Variants in LAMA2 observed in about 807,000 individuals in gnomAD.
The protein encoded by LAMA2 is laminin subunit alpha 2.
A neutral mutation model predicts 364.8 loss-of-function variants in LAMA2; 269 were observed. The observed-to-expected ratio is 0.74, with a 90% CI of 0.67 to 0.82. The LOEUF is 0.82. Among genes scored for constraint, LAMA2 ranks in the 40% least tolerant of loss-of-function variants. The pLI, the probability that LAMA2 is intolerant of heterozygous loss-of-function variation, is 0.00. For synonymous variants in LAMA2, 1,379 were observed against 1,370.6 expected (o/e 1.01, Z -0.14); for missense variants, 3,807 against 3,873.2 (o/e 0.98, Z 0.45).
chr6:128,961,457 C>T lies in LAMA2; in HGVS notation c.112+78100C>T, dbSNP rs1781519762. On this transcript the variant is annotated intron_variant, in intron 1 of 64. Transcript: ENST00000421865. Reference sequence around the variant, plus strand: ...GGAGTTTATTAAGTGTTAACTTACTCGATCACAAGGTCCCACAATAGGCTG... The same window carrying T: ...GGAGTTTATTAAGTGTTAACTTACTTGATCACAAGGTCCCACAATAGGCTG... Among the ~76,000 whole-genome samples the T allele has an allele frequency of 2.7e-5, 4 of 145,944 alleles. No individual in the cohort carries two copies. In the South Asian group the frequency reaches 8.7e-4, roughly 32 times the overall value.
At chr6:129,049,410 C>T (rs901941428) in intron 1 of LAMA2, among the ~76,000 whole-genome samples, 2 of 152,062 alleles carry the variant, frequency 1.3e-5, no homozygotes, top group Non-Finnish European at 2.9e-5. Flanking sequence ...CCAAAGTAAA[C>T]ATTATCTATC....
At chr6:129,021,861 C>T (rs17056726) in intron 1 of LAMA2, among the ~76,000 whole-genome samples, 4 of 152,000 alleles carry the variant, frequency 2.6e-5, no homozygotes, top group Admixed American at 6.6e-5. Flanking sequence ...AAGACTAATT[C>T]GGAATGCTAC....
At chr6:128,987,333 G>A (rs908134609) in intron 1 of LAMA2, among the ~76,000 whole-genome samples, 3 of 151,582 alleles carry the variant, frequency 2.0e-5, no homozygotes, top group Admixed American at 1.3e-4. Flanking sequence ...TGGTAGAGAC[G>A]GGTTTCACCA....
chr6:129,434,294 G>T (rs1357197024), intron 41 of LAMA2, among the ~76,000 whole-genome samples: 4 of 152,142 alleles, frequency 2.6e-5, no homozygotes, highest in Non-Finnish European at 4.4e-5. Context: ...GTCGACCCTT[G>T]CTACTCTGCT....
chr6:128,929,073 C>T (rs1779280197), intron 1 of LAMA2: 1 of 1,455,494 alleles, frequency 6.9e-7, no homozygotes, highest in Non-Finnish European at 9.6e-7. Context: ...CTAATGTGGT[C>T]ATCCAGAATC....
chr6:129,466,499 A>G (rs998712647), intron 51 of LAMA2, among the ~76,000 whole-genome samples: 4 of 151,964 alleles, frequency 2.6e-5, no homozygotes, highest in African/African-American at 9.7e-5. Flanking sequence ...AACCTCTCAT[A>G]TGGGACAAAA....
At chr6:129,480,752 T>A (rs2784897) in intron 54 of LAMA2, among the ~76,000 whole-genome samples, 4 of 151,956 alleles carry the variant, frequency 2.6e-5, no homozygotes, top group Non-Finnish European at 5.9e-5. Context: ...GCGATGTTTG[T>A]TTTATTTATT....
At chr6:129,358,184 T>G (rs888032913) in intron 32 of LAMA2, among the ~76,000 whole-genome samples, 1 of 152,022 alleles carries the variant, frequency 6.6e-6, no homozygotes, top group Non-Finnish European at 1.5e-5. Context: ...ATATTTGAGT[T>G]TCTTGTTGTC....
At chr6:128,884,856 C>T (rs111611054) in intron 1 of LAMA2, among the ~76,000 whole-genome samples, 1 of 152,146 alleles carries the variant, frequency 6.6e-6, no homozygotes, top group Non-Finnish European at 1.5e-5. Context: ...GGCACCAATC[C>T]TTATGTCCAC....
chr6:129,236,094 A>G lies in LAMA2; in HGVS notation c.1783-14018A>G, dbSNP rs574792375. Among the ~76,000 whole-genome samples, 4 of 152,330 alleles carry G rather than the reference A, an allele frequency of 2.6e-5. No individual in the cohort carries two copies. In the South Asian group the frequency reaches 8.3e-4, roughly 32 times the overall value. ...GGGAATTTTAGAACTAAATGTGTCAATTATAAAACTGTACATATGTATAGC... is the reference window on the plus strand; with the variant it reads ...GGGAATTTTAGAACTAAATGTGTCAGTTATAAAACTGTACATATGTATAGC... On this transcript the variant is annotated intron_variant, in intron 12 of 64. Coordinates refer to ENST00000421865, the MANE Select transcript of LAMA2 (RefSeq NM_000426.4).
intron 1 of LAMA2, among the ~76,000 whole-genome samples, chr6:129,024,587 G>A (rs1007017010): frequency 5.3e-5 from 8 of 151,914 alleles, no homozygotes; most frequent in African/African-American, 1.9e-4. Context: ...GTAGAGACGG[G>A]ACTTCACCAT....
intron 56 of LAMA2, among the ~76,000 whole-genome samples, chr6:129,489,376 A>G (rs1193122713): frequency 2.6e-5 from 4 of 152,254 alleles, no homozygotes; most frequent in South Asian, 2.1e-4. Context: ...TCATCTGGAA[A>G]AATCTCCCTT....
At chr6:129,050,121 GGGTAGGATCTATAATTGTGA>G (rs771978053) in intron 2 of LAMA2, 33 bp downstream of exon 2, 15 of 1,610,054 alleles carry the variant, frequency 9.3e-6, no homozygotes, top group Non-Finnish European at 2.5e-6. Flanking sequence ...GTGTGGCGCT[GGGTAGGATCTATAATTGTGA>G]GATGTTGAGG....
chr6:129,159,483 C>G (rs533108515), intron 8 of LAMA2, among the ~76,000 whole-genome samples: 1 of 152,216 alleles, frequency 6.6e-6, no homozygotes, highest in Non-Finnish European at 1.5e-5. Context: ...CCGGGGAGAG[C>G]GGCTTTCCTC....
At chr6:128,939,164 G>T (rs1437777271) in intron 1 of LAMA2, among the ~76,000 whole-genome samples, 1 of 152,066 alleles carries the variant, frequency 6.6e-6, no homozygotes. Flanking sequence ...AGTTTTGCTT[G>T]GCAAACTCCT....
At chr6:129,108,004 G>C (rs1192081480) in intron 4 of LAMA2, among the ~76,000 whole-genome samples, 3 of 152,024 alleles carry the variant, frequency 2.0e-5, no homozygotes, top group Non-Finnish European at 4.4e-5. Flanking sequence ...TGGGGTTTTA[G>C]TATTTTCATG....
At position 129,031,100 on chromosome 6, in the gene LAMA2, G is replaced by A. The variant is rs148285650; in HGVS notation, c.113-18818G>A. On this transcript the variant is annotated intron_variant, in intron 1 of 64. Coordinates refer to ENST00000421865, the MANE Select transcript of LAMA2 (RefSeq NM_000426.4). ...TTACAAGAGGAAACAGAATATTTGT[G>A]GGTTTCCCTGCATATTTATGTGTGT... 3.3e-5 allele frequency among the ~76,000 whole-genome samples: 5 copies of A among 152,088 alleles called. No homozygotes were observed. In the East Asian group the frequency reaches 9.6e-4, roughly 29 times the overall value.
chr6:129,047,896 T>C (rs552606388), intron 1 of LAMA2, among the ~76,000 whole-genome samples: 1 of 152,326 alleles, frequency 6.6e-6, no homozygotes, highest in South Asian at 2.1e-4. Context: ...AAGGTAGCAC[T>C]AGATCTATGC....
At chr6:129,491,803 A>G (rs1055690068) in intron 56 of LAMA2, 98 bp from the exon 57 acceptor site, 3 of 990,126 alleles carry the variant, frequency 3.0e-6, no homozygotes, top group Non-Finnish European at 4.7e-6. Flanking sequence ...CTTAAAAGCT[A>G]TGGTTGAGAG....
Sources: gnomAD v4.1 joint callset for allele counts (sites outside exome capture counted in the v4.1 genomes callset) on GRCh38, gnomAD v4.1.1 for gene constraint, MANE v1.5 for transcripts, NCBI Gene and HGNC (gene_info 2026-07-23, HGNC 2026-07-21) for gene names.